The following CDH12 variants were observed in gnomAD, a reference collection of about 807,000 sequenced individuals.
CDH12 encodes cadherin 12, also known as cadherin-12.
CDH12 carries 41 observed loss-of-function variants against 74.1 expected under a neutral mutation model. That is an observed-to-expected ratio of 0.55 (90% confidence interval 0.43 to 0.72). The LOEUF is 0.72. CDH12 is among the 30% of genes least tolerant of loss of function. The pLI, the probability that CDH12 is intolerant of heterozygous loss-of-function variation, is 0.00. For missense variants in CDH12, 945 were observed against 977.2 expected, an observed-to-expected ratio of 0.97 and a Z score of 0.44; for synonymous variants, 399 against 355.0, an observed-to-expected ratio of 1.12 and a Z score of -1.39.
At chr5:22,670,705 A>G (rs1315018040) in intron 1 of CDH12, among the ~76,000 whole-genome samples, 1 of 152,008 alleles carries the variant, frequency 6.6e-6, no homozygotes, top group Non-Finnish European at 1.5e-5. Context: ...TGAACTATAC[A>G]TATTTTAAAG....
At chr5:22,367,153 A>T (rs912333049) in intron 3 of CDH12, among the ~76,000 whole-genome samples, 67 of 152,174 alleles carry the variant, frequency 4.4e-4, no homozygotes, top group Admixed American at 2.6e-3. Context: ...ATCTTTAGAC[A>T]GTTGAAATCT....
chr5:22,497,195 T>G (rs746552924), intron 2 of CDH12, among the ~76,000 whole-genome samples: 3 of 152,212 alleles, frequency 2.0e-5, no homozygotes, highest in Non-Finnish European at 2.9e-5. Context: ...CAATATCATA[T>G]AACATATCTA....
intron 4 of CDH12, among the ~76,000 whole-genome samples, chr5:22,176,053 T>A (rs1749320328): frequency 6.6e-6 from 1 of 152,182 alleles, no homozygotes; most frequent in African/African-American, 2.4e-5. Flanking sequence ...TTAACACGTC[T>A]CTATGGATTA....
chr5:22,847,970 G>A (rs996444993), intron 1 of CDH12, among the ~76,000 whole-genome samples: 3 of 151,406 alleles, frequency 2.0e-5, no homozygotes, highest in Non-Finnish European at 2.9e-5. Flanking sequence ...TGCAACCTCC[G>A]CCTCCTGGGT....
chr5:22,647,136 C>A (rs1739476740), intron 1 of CDH12, among the ~76,000 whole-genome samples: 1 of 151,684 alleles, frequency 6.6e-6, no homozygotes, highest in Non-Finnish European at 1.5e-5. Flanking sequence ...GATTTCTGAG[C>A]CAAAGTGCCT....
At position 22,342,474 on chromosome 5, in the gene CDH12, G is replaced by C. The variant is rs1739896042; in HGVS notation, c.-333+62783C>G. On this transcript the variant is annotated intron_variant, in intron 3 of 14. Transcript: ENST00000382254. Reference sequence around the variant, plus strand: ...GTCTATTACCATTTGTACTTACTGAGAATTTATAAAATGTCTATGTCCCCT... The same window carrying C: ...GTCTATTACCATTTGTACTTACTGACAATTTATAAAATGTCTATGTCCCCT... Among the ~76,000 whole-genome samples the C allele has an allele frequency of 6.6e-5, 10 of 152,012 alleles. No homozygotes were observed. In the South Asian group the frequency reaches 2.1e-3, roughly 32 times the overall value.
chr5:22,813,503 C>T (rs966354149), intron 1 of CDH12, among the ~76,000 whole-genome samples: 5 of 152,070 alleles, frequency 3.3e-5, no homozygotes, highest in Admixed American at 2.6e-4. Context: ...GGTTTCCACA[C>T]CTTTGGTGAT....
chr5:22,605,196 CA>C (rs1316182941), intron 1 of CDH12, among the ~76,000 whole-genome samples: 2 of 152,204 alleles, frequency 1.3e-5, no homozygotes, highest in African/African-American at 2.4e-5. Context: ...CTTTGGACCT[CA>C]GCTGTACTGT....
chr5:22,764,574 G>A (rs542611548), intron 1 of CDH12, among the ~76,000 whole-genome samples: 5 of 151,992 alleles, frequency 3.3e-5, no homozygotes, highest in South Asian at 4.1e-4. Flanking sequence ...CAATTTCCAC[G>A]TAGATTGCTT....
intron 1 of CDH12, among the ~76,000 whole-genome samples, chr5:22,671,487 G>A (rs1740897263): frequency 1.3e-5 from 2 of 152,054 alleles, no homozygotes; most frequent in Non-Finnish European, 2.9e-5. Context: ...CCTGCTTAGT[G>A]TAAAATATTT....
At chr5:22,660,934 G>C (rs750889940) in intron 1 of CDH12, among the ~76,000 whole-genome samples, 11 of 151,990 alleles carry the variant, frequency 7.2e-5, no homozygotes, top group African/African-American at 1.4e-4. Context: ...TTCAGGGTGA[G>C]AACAAACCCA....
At chr5:21,831,539 G>C (rs1003295883) in intron 8 of CDH12, among the ~76,000 whole-genome samples, 1 of 152,130 alleles carries the variant, frequency 6.6e-6, no homozygotes, top group Non-Finnish European at 1.5e-5. Flanking sequence ...CAGGGAACTG[G>C]CTAATGCAGT....
intron 4 of CDH12, among the ~76,000 whole-genome samples, chr5:22,186,967 A>G (rs969009796): frequency 6.6e-6 from 1 of 152,218 alleles, no homozygotes; most frequent in Non-Finnish European, 1.5e-5. Context: ...CTTAAAGTAC[A>G]GTTTTAGGGA....
intron 6 of CDH12, among the ~76,000 whole-genome samples, chr5:21,952,957 G>T (rs1169642245): frequency 6.6e-6 from 1 of 152,120 alleles, no homozygotes; most frequent in African/African-American, 2.4e-5. Context: ...TCTTTGATGT[G>T]TTTTGAAATG....
chr5:22,451,872 G>A (rs1054848587), intron 2 of CDH12, among the ~76,000 whole-genome samples: 1 of 151,436 alleles, frequency 6.6e-6, no homozygotes, highest in Non-Finnish European at 1.5e-5. Flanking sequence ...TTATGACTTT[G>A]GTAAACTTGC....
At chr5:22,422,197 G>A (rs1034219766) in intron 2 of CDH12, among the ~76,000 whole-genome samples, 1 of 152,050 alleles carries the variant, frequency 6.6e-6, no homozygotes, top group African/African-American at 2.4e-5. Flanking sequence ...TATTCAGTAT[G>A]ATATTACCTG....
chr5:22,121,152 G>C (rs1745491844), intron 4 of CDH12, among the ~76,000 whole-genome samples: 1 of 152,146 alleles, frequency 6.6e-6, no homozygotes, highest in Non-Finnish European at 1.5e-5. Flanking sequence ...TCTGAATGTT[G>C]ACAGGCAATT....
At chr5:22,118,684 T>TA (rs1021102016) in intron 4 of CDH12, among the ~76,000 whole-genome samples, 3 of 152,092 alleles carry the variant, frequency 2.0e-5, no homozygotes, top group African/African-American at 7.2e-5. Flanking sequence ...TCTTCACTAT[T>TA]ACACTTCCAA....
chr5:22,819,800 A>G (rs1386417735), intron 1 of CDH12, among the ~76,000 whole-genome samples: 3 of 150,968 alleles, frequency 2.0e-5, no homozygotes, highest in Non-Finnish European at 4.4e-5. Context: ...CAGAAAACCA[A>G]AATAAAATTA....
Sources: allele counts gnomAD v4.1 joint callset (sites outside exome capture counted in the v4.1 genomes callset), GRCh38; gene constraint gnomAD v4.1.1; transcripts MANE v1.5; gene names NCBI Gene and HGNC (gene_info 2026-07-23, HGNC 2026-07-21).